CP: variants seen among roughly 807,000 people sequenced by gnomAD.
CP encodes the protein ceruloplasmin, also known as caeruloplasmin.
Under a neutral mutation model 122.4 loss-of-function variants are expected in CP, and 64 were observed. That is an observed-to-expected ratio of 0.52 (90% CI 0.43 to 0.64). The LOEUF (loss-of-function observed/expected upper bound fraction) is 0.64. CP is among the 30% of genes least tolerant of loss of function. The pLI is 0.00. For missense variants in CP, 1,167 were observed against 1,284.4 expected (o/e 0.91, Z 1.40); for synonymous variants, 440 against 436.4 (o/e 1.01, Z -0.10).
downstream of CP, chr3:149,172,159 T>C (rs145482910): frequency 1.5e-5 from 25 of 1,612,938 alleles, no homozygotes; most frequent in Non-Finnish European, 2.1e-5. Flanking sequence ...TCCCAGAAGA[T>C]GGTACTGCAA....
intron 7 of CP, among the ~76,000 whole-genome samples, chr3:149,200,850 AC>A (rs1559951323): frequency 6.6e-6 from 1 of 152,014 alleles, no homozygotes; most frequent in African/African-American, 2.4e-5. Flanking sequence ...TAATGTATGC[AC>A]TGTGTACTCA....
chr3:149,203,677 C>G (rs564991471), intron 6 of CP, among the ~76,000 whole-genome samples: 3 of 152,210 alleles, frequency 2.0e-5, no homozygotes, highest in Admixed American at 2.0e-4. Flanking sequence ...ATTTGACTTG[C>G]GCAAAGCCAC....
At chr3:149,220,685 G>A (rs1324747213) in intron 1 of CP, among the ~76,000 whole-genome samples, 7 of 152,030 alleles carry the variant, frequency 4.6e-5, no homozygotes, top group Non-Finnish European at 7.4e-5. Flanking sequence ...TCATCAATAA[G>A]ATTCAATAAT....
chr3:149,183,054 G>T (rs1404139413), intron 13 of CP, among the ~76,000 whole-genome samples: 1 of 152,100 alleles, frequency 6.6e-6, no homozygotes, highest in Non-Finnish European at 1.5e-5. Context: ...GGGAGGCTAA[G>T]GTGGGAGACT....
At position 149,188,347 on chromosome 3, in the gene CP, A is replaced by C. The variant is rs1040727855; in HGVS notation, c.1714-145T>G. ...TGCTCTTTGTAAACTAGGGTTCCTG[A>C]AATATTTCAGTTCACCACCAGAGCT... On this transcript the variant is annotated intron_variant, in intron 9 of 18. Coordinates refer to ENST00000264613, the MANE Select transcript of CP (RefSeq NM_000096.4). 6 of 682,440 alleles carry C rather than the reference A, an allele frequency of 8.8e-6. No individual in the cohort carries two copies. In the African/African-American group the frequency reaches 9.0e-5, roughly 10 times the overall value. The allele number at this position is 682,440 out of a possible 1,614,324, so 42.3% of individuals were successfully genotyped here. A position where few individuals can be genotyped will look rare whatever the true frequency, so the allele number is the denominator to read the frequency against.
At chr3:149,170,301 GT>G (rs571758095), downstream of CP, among the ~76,000 whole-genome samples, 3 of 152,244 alleles carry the variant, frequency 2.0e-5, no homozygotes, top group South Asian at 6.2e-4. Context: ...CTCCAACTCA[GT>G]TTTTTTGTTT....
At chr3:149,174,851 C>T (rs1725306184) in intron 18 of CP, among the ~76,000 whole-genome samples, 1 of 152,182 alleles carries the variant, frequency 6.6e-6, no homozygotes, top group East Asian at 1.9e-4. Flanking sequence ...AATACCTTTT[C>T]TCTTTGCAAA....
chr3:149,181,424 A>G (rs1725767562), intron 14 of CP, among the ~76,000 whole-genome samples: 1 of 152,172 alleles, frequency 6.6e-6, no homozygotes, highest in Non-Finnish European at 1.5e-5. Context: ...CACCCTTGCT[A>G]CACCCTGCTA....
At chr3:149,178,883 C>G (rs1297714586) in intron 15 of CP, among the ~76,000 whole-genome samples, 2 of 152,154 alleles carry the variant, frequency 1.3e-5, no homozygotes, top group Non-Finnish European at 2.9e-5. Flanking sequence ...ATTAGCTCAG[C>G]TAATGAGCAG....
intron 4 of CP, 108 bp downstream of exon 4, chr3:149,209,103 G>A: frequency 2.2e-6 from 3 of 1,381,830 alleles, no homozygotes; most frequent in Non-Finnish European, 3.1e-6. Context: ...TTGTTATAAG[G>A]ACCACAGACT....
At position 149,207,598 on chromosome 3, in the gene CP, A is replaced by T; in HGVS notation, c.801T>A (p.Phe267Leu). Reference protein sequence around the residue: ...NRMYSVNGYTFGSLPGLSMCA... With the variant: ...NRMYSVNGYTLGSLPGLSMCA... ...ACATGGAGAGTCCTGGGAGACTTCC[A>T]AAAGTGTATCCATTCACAGCTGTAA... Residue 267 changes from phenylalanine to leucine, a missense_variant, in exon 5 of 19, where the codon TTT becomes TTA. By Grantham distance (22) the Phe-to-Leu change is conservative. Around this residue, in one of 2 missense-constraint regions of CP, gnomAD observed 642 missense variants for 627.3 expected, o/e 1.02. Transcript: ENST00000264613. 1 of 1,613,962 alleles carries T rather than the reference A, an allele frequency of 6.2e-7. No individual in the cohort carries two copies. Among genetic ancestry groups the T allele is most frequent in the Non-Finnish European group, 8.5e-7 (1 of 1,179,808 alleles).
intron 18 of CP, among the ~76,000 whole-genome samples, chr3:149,175,075 A>G (rs147733155): frequency 1.4e-4 from 21 of 152,152 alleles, no homozygotes; most frequent in African/African-American, 4.8e-4. Context: ...CATGCCAGGC[A>G]TTTGCACACA....
At chr3:149,172,020 T>G, downstream of CP, 4 of 1,470,836 alleles carry the variant, frequency 2.7e-6, no homozygotes, top group Non-Finnish European at 3.8e-6. Flanking sequence ...TGGCTTCTAA[T>G]TGGTTGGTTA....
At chr3:149,164,150 A>G (rs1190589668) in intron 5 of CP, among the ~76,000 whole-genome samples, 1 of 152,154 alleles carries the variant, frequency 6.6e-6, no homozygotes, top group Non-Finnish European at 1.5e-5. Flanking sequence ...ACCTGTGCTG[A>G]GCGGCTGGTT....
At chr3:149,182,221 C>G (rs959291009) in intron 13 of CP, 88 bp from the exon 14 acceptor site, 1 of 1,484,782 alleles carries the variant, frequency 6.7e-7, no homozygotes, top group Admixed American at 1.7e-5. Context: ...TTGTTTCTCT[C>G]CCCCATGGGT....
chr3:149,187,610 A>G (rs1726258132), intron 10 of CP, among the ~76,000 whole-genome samples: 1 of 152,224 alleles, frequency 6.6e-6, no homozygotes, highest in Admixed American at 6.5e-5. Context: ...ATATTGAATA[A>G]TCAAATGAGC....
chr3:149,213,305 T>G (rs1418863824), intron 1 of CP, among the ~76,000 whole-genome samples: 1 of 152,244 alleles, frequency 6.6e-6, no homozygotes, highest in African/African-American at 2.4e-5. Context: ...ATAATCCCTG[T>G]GTTTTTTAAT....
intron 1 of CP, among the ~76,000 whole-genome samples, chr3:149,215,964 T>C (rs955339543): frequency 6.6e-6 from 1 of 152,184 alleles, no homozygotes; most frequent in African/African-American, 2.4e-5. Flanking sequence ...AGCATAACTA[T>C]TTTTTAGTAT....
chr3:149,202,619 T>A (rs1727417332), intron 6 of CP, among the ~76,000 whole-genome samples: 5 of 146,784 alleles, frequency 3.4e-5, no homozygotes, highest in Admixed American at 3.4e-4. Context: ...TTTTTTTTTT[T>A]TTTTTTTGAC....
Sources: gnomAD v4.1 joint callset for allele counts (sites outside exome capture counted in the v4.1 genomes callset) on GRCh38, gnomAD v4.1.1 for gene constraint, gnomAD v4.1.1 regional missense constraint, MANE v1.5 for transcripts, NCBI Gene and HGNC (gene_info 2026-07-23, HGNC 2026-07-21) for gene names.